The following EXOC4 variants were observed in gnomAD, a reference collection of about 807,000 sequenced individuals.
EXOC4 encodes exocyst complex component 4.
Under a neutral mutation model 107.2 loss-of-function variants are expected in EXOC4, and 71 were observed. That is an observed-to-expected ratio of 0.66 (90% CI 0.55 to 0.81). The LOEUF is 0.81. EXOC4 is among the 30% of genes least tolerant of loss of function. EXOC4 has a pLI of 0.00. For missense variants in EXOC4, 1,108 were observed against 1,189.6 expected (o/e 0.93, Z 1.01); for synonymous variants, 456 against 441.2 (o/e 1.03, Z -0.42).
At chr7:133,970,354 G>A (rs1801177057) in intron 14 of EXOC4, among the ~76,000 whole-genome samples, 1 of 151,964 alleles carries the variant, frequency 6.6e-6, no homozygotes, top group Non-Finnish European at 1.5e-5. Context: ...GGGGGTGAAT[G>A]GTTCTGTCTC....
chr7:134,069,247 A>C (rs1208402874), downstream of EXOC4, among the ~76,000 whole-genome samples: 22 of 144,118 alleles, frequency 1.5e-4, no homozygotes, highest in South Asian at 2.2e-4. Context: ...TATTCTCCTT[A>C]TTCTCCTACT....
intron 14 of EXOC4, among the ~76,000 whole-genome samples, chr7:133,995,417 A>G (rs1286546454): frequency 6.6e-6 from 1 of 152,190 alleles, no homozygotes; most frequent in Non-Finnish European, 1.5e-5. Context: ...ACTATCACCC[A>G]ATAGAGGAAC....
intron 9 of EXOC4, among the ~76,000 whole-genome samples, chr7:133,629,587 C>T (rs1238896465): frequency 6.6e-6 from 1 of 151,978 alleles, no homozygotes; most frequent in Non-Finnish European, 1.5e-5. Flanking sequence ...GTCACCCAGG[C>T]TTTAGTGCAG....
At chr7:133,667,678 T>C (rs1357837335) in intron 10 of EXOC4, among the ~76,000 whole-genome samples, 1 of 152,230 alleles carries the variant, frequency 6.6e-6, no homozygotes, top group Non-Finnish European at 1.5e-5. Context: ...GTTGCACATT[T>C]CACAATTACA....
In EXOC4 at chr7:133,317,382, G is replaced by C. The variant is rs1795014080; in HGVS notation, c.755G>C (p.Ser252Thr). The change falls in exon 5 of 18, where the codon AGC (serine) becomes ACC (threonine). Residue 252 changes from serine to threonine, a missense_variant. Transcript: ENST00000253861. ...LDTSHYSTAG[S>T]SSVREINLQD... ...ACCTCTCACTATTCTACTGCTGGAA[G>C]CTCAAGTGGTAAGTATTTAATTCTT... The C allele has an allele frequency of 1.3e-6, 2 of 1,597,830 alleles. No homozygotes were observed. Among genetic ancestry groups the C allele is most frequent in the Non-Finnish European group, 1.7e-6 (2 of 1,165,524 alleles).
intron 14 of EXOC4, among the ~76,000 whole-genome samples, chr7:133,948,857 C>G (rs986644283): frequency 6.6e-6 from 1 of 152,132 alleles, no homozygotes; most frequent in African/African-American, 2.4e-5. Flanking sequence ...GAGTGCAGAC[C>G]AGAGTGTCTG....
chr7:133,712,481 C>T (rs1794915029), intron 10 of EXOC4, among the ~76,000 whole-genome samples: 1 of 143,718 alleles, frequency 7.0e-6, no homozygotes, highest in African/African-American at 2.6e-5. Flanking sequence ...AAATGGAGCG[C>T]TCCTACACTG....
chr7:134,099,788 C>T, the EXOC4 span, among the ~76,000 whole-genome samples: 7 of 152,262 alleles, frequency 4.6e-5, no homozygotes, highest in East Asian at 1.9e-4. Context: ...TTCACTGCAA[C>T]CTCCACCTCC....
intron 7 of EXOC4, among the ~76,000 whole-genome samples, chr7:133,447,564 C>T (rs925509971): frequency 1.1e-4 from 16 of 151,804 alleles, no homozygotes; most frequent in Non-Finnish European, 1.9e-4. Context: ...ATAAAATTTT[C>T]AACATATTGG....
intron 5 of EXOC4, among the ~76,000 whole-genome samples, chr7:133,341,782 A>C (rs1054278547): frequency 1.3e-5 from 2 of 152,044 alleles, no homozygotes; most frequent in Admixed American, 6.5e-5. Flanking sequence ...ATCATTATCT[A>C]ATGTCCCTCT....
At chr7:133,435,605 G>T (rs750649194) in intron 7 of EXOC4, among the ~76,000 whole-genome samples, 26 of 152,114 alleles carry the variant, frequency 1.7e-4, no homozygotes, top group Non-Finnish European at 2.8e-4. Context: ...CTTAGTTTCT[G>T]CTATTCTTAG....
chr7:133,783,982 A>G (rs187876224), intron 10 of EXOC4, among the ~76,000 whole-genome samples: 1 of 152,170 alleles, frequency 6.6e-6, no homozygotes, highest in African/African-American at 2.4e-5. Flanking sequence ...TATTCCTCAT[A>G]CCCCCATCCT....
At position 133,370,857 on chromosome 7, in the gene EXOC4, G is replaced by A. The variant is rs73148942; in HGVS notation, c.1008-3971G>A. Among the ~76,000 whole-genome samples, 764 of 152,248 alleles carry A rather than the reference G, an allele frequency of 5.0e-3. 8 individuals are homozygous for A. The highest frequency in any genetic ancestry group is 0.014 in the Middle Eastern group (4 of 294). ...GCTAGTTCTGTGCATTTCCTAATTC[G>A]ATTTTTCCAGCAGTGTTGTGAGTCT... On this transcript the variant is annotated intron_variant, in intron 6 of 17. Transcript: ENST00000253861.
intron 3 of EXOC4, among the ~76,000 whole-genome samples, chr7:133,295,433 T>C (rs771343774): frequency 6.6e-6 from 1 of 152,156 alleles, no homozygotes; most frequent in Non-Finnish European, 1.5e-5. Context: ...CCATTGATTG[T>C]ATAATTCTGA....
the EXOC4 span, among the ~76,000 whole-genome samples, chr7:134,088,865 A>G: frequency 6.6e-6 from 1 of 152,280 alleles, no homozygotes; most frequent in East Asian, 1.9e-4. Context: ...AATAAGTTTT[A>G]TTATATTTGT....
intron 12 of EXOC4, among the ~76,000 whole-genome samples, chr7:133,904,117 A>T (rs1312930991): frequency 1.3e-5 from 2 of 152,218 alleles, no homozygotes; most frequent in African/African-American, 4.8e-5. Flanking sequence ...GAGAAATGGC[A>T]TAGTGGCTGG....
At chr7:133,825,367 AAAAT>A (rs766654218) in intron 11 of EXOC4, among the ~76,000 whole-genome samples, 12 of 151,990 alleles carry the variant, frequency 7.9e-5, no homozygotes, top group Non-Finnish European at 1.6e-4. Flanking sequence ...TCTGTCTCTA[AAAAT>A]AAATAAATAA....
chr7:133,591,226 C>A (rs1392447766), intron 9 of EXOC4, among the ~76,000 whole-genome samples: 2 of 152,220 alleles, frequency 1.3e-5, no homozygotes, highest in South Asian at 4.1e-4. Context: ...GAGATGGAAT[C>A]TCACTATTTT....
chr7:133,652,062 ATTTTCT>A (rs1466612694), intron 10 of EXOC4, among the ~76,000 whole-genome samples: 1 of 152,094 alleles, frequency 6.6e-6, no homozygotes, highest in African/African-American at 2.4e-5. Context: ...AACCTGGTTG[ATTTTCT>A]TTTCCAAGTA....
Sources: allele counts gnomAD v4.1 joint callset (sites outside exome capture counted in the v4.1 genomes callset), GRCh38; gene constraint gnomAD v4.1.1; transcripts MANE v1.5; gene names NCBI Gene and HGNC (gene_info 2026-07-23, HGNC 2026-07-21).